Variants in CFHR3 observed in about 807,000 individuals in gnomAD.
CFHR3 encodes the protein complement factor H-related protein 3.
In CFHR3, 22 loss-of-function variants were observed where a neutral mutation model predicts 36.0. The ratio of observed to expected loss-of-function variants is 0.61; its 90% CI spans 0.44 to 0.87. CFHR3 has a LOEUF of 0.87. Among genes scored for constraint, CFHR3 ranks in the 40% least tolerant of loss-of-function variants. The probability of loss-of-function intolerance (pLI) is 0.00; values close to 1 mark genes in which losing one functional copy is unlikely to be tolerated. For synonymous variants in CFHR3, 97 were observed against 137.4 expected (o/e 0.71, Z 2.06); for missense variants, 276 against 401.3 (o/e 0.69, Z 2.67).
intron 3 of CFHR3, among the ~76,000 whole-genome samples, chr1:196,783,079 G>T (rs1654026593): frequency 7.3e-6 from 1 of 136,572 alleles, no homozygotes; most frequent in Non-Finnish European, 1.6e-5. Context: ...TTTTGTCTTT[G>T]GTTCTGTCTA....
rs1049682040 is a variant in CFHR3 at position 196,786,716 on chromosome 1, C to G, written c.431-1500C>G. Among the ~76,000 whole-genome samples the G allele has an allele frequency of 9.5e-5, 13 of 137,118 alleles. 4 individuals are homozygous for G. The highest frequency in any genetic ancestry group is 3.9e-4 in the African/African-American group (13 of 32,982). The allele number at this position is 137,118 out of a possible 152,430, so 90.0% of individuals were successfully genotyped here. ...TCCAGGTGCCGTGTGTCACCCCTTTCTTTGACTAGGAAAGGGAACTCCCTG... is the reference window on the plus strand; with the variant it reads ...TCCAGGTGCCGTGTGTCACCCCTTTGTTTGACTAGGAAAGGGAACTCCCTG... On this transcript the variant is annotated intron_variant, in intron 3 of 5. Coordinates refer to ENST00000367425, the MANE Select transcript of CFHR3 (RefSeq NM_021023.6).
intron 3 of CFHR3, among the ~76,000 whole-genome samples, chr1:196,785,097 A>G (rs2124853082): frequency 1.5e-5 from 2 of 136,386 alleles, no homozygotes; most frequent in South Asian, 5.1e-4. Flanking sequence ...TTCTGGGTTG[A>G]AAATTCTTCT....
chr1:196,780,283 T>C (rs2124843692), intron 3 of CFHR3, among the ~76,000 whole-genome samples: 1 of 137,414 alleles, frequency 7.3e-6, no homozygotes, highest in East Asian at 2.0e-4. Context: ...CCGAGGTTCG[T>C]CATCTTGCAC....
rs1231168675 is a variant in CFHR3, at chr1:196,785,896, A to G, written c.431-2320A>G. Among the ~76,000 whole-genome samples the G allele has an allele frequency of 1.5e-5, 2 of 135,784 alleles. 1 individual carries two copies. Among genetic ancestry groups the G allele is most frequent in the African/African-American group, 6.2e-5 (2 of 32,184 alleles). 89.1% of individuals were successfully genotyped at this position (135,784 alleles called of 152,430 possible). ...GAGGTGCTCTGCTTTTAGAGTTTCC[A>G]GTTTTTCTGCTCTGTTTTTTCCCCA... On this transcript the variant is annotated intron_variant, in intron 3 of 5. Transcript: ENST00000367425.
In CFHR3 at chr1:196,789,023, C is replaced by T. The variant is rs1185685795; in HGVS notation, c.613+625C>T. 4.6e-5 allele frequency: 58 copies of T among 1,260,382 alleles called. 10 individuals carry two copies. The highest frequency in any genetic ancestry group is 5.5e-5 in the Non-Finnish European group (55 of 993,470). The allele number at this position is 1,260,382 out of a possible 1,614,324, so 78.1% of individuals were successfully genotyped here. ...ACATGTAAAGTTCTCTGAACGTGCT[C>T]GACCTTTACTTAGTATGATAAAGAG... On this transcript the variant is annotated intron_variant, in intron 4 of 5. Coordinates refer to ENST00000367425, the MANE Select transcript of CFHR3 (RefSeq NM_021023.6).
rs141405554 is a variant in CFHR3 at position 196,788,958 on chromosome 1, C to A, written c.613+560C>A. Reference sequence around the variant, plus strand: ...TAAAGGAAAAGGGTAAGTGGGTGGGCTGAATGTTTACAAACCTCATACTTG... The same window carrying A: ...TAAAGGAAAAGGGTAAGTGGGTGGGATGAATGTTTACAAACCTCATACTTG... On this transcript the variant is annotated intron_variant, in intron 4 of 5. Transcript: ENST00000367425. 8.6e-4 allele frequency: 1,158 copies of A among 1,348,544 alleles called. 76 individuals carry two copies. In the East Asian group the frequency reaches 0.026, roughly 30 times the overall value. 83.5% of individuals were successfully genotyped at this position (1,348,544 alleles called of 1,614,324 possible). A position where few individuals can be genotyped will look rare whatever the true frequency, so the allele number is the denominator to read the frequency against.
chr1:196,791,981 G>C (rs1183320716), intron 5 of CFHR3, among the ~76,000 whole-genome samples: 1 of 133,828 alleles, frequency 7.5e-6, no homozygotes, highest in Non-Finnish European at 1.6e-5. Context: ...AAGAAGCAAA[G>C]AGCATTCAAG....
In CFHR3 at chr1:196,792,980, G is replaced by A. The variant is rs1332744743; in HGVS notation, c.797-337G>A. 2.2e-5 allele frequency among the ~76,000 whole-genome samples: 3 copies of A among 134,544 alleles called. 1 individual carries two copies. The highest frequency in any genetic ancestry group is 9.5e-5 in the African/African-American group (3 of 31,560). 88.3% of individuals were successfully genotyped at this position (134,544 alleles called of 152,430 possible). ...GGGGGAAAGGAGGATAAGTAACCAT[G>A]ACTCCAATGGAACATGTTAGCATAA... On this transcript the variant is annotated intron_variant, in intron 5 of 5. Coordinates refer to ENST00000367425, the MANE Select transcript of CFHR3 (RefSeq NM_021023.6).
chr1:196,787,373 A>G (rs1295985875), intron 3 of CFHR3, among the ~76,000 whole-genome samples: 1 of 137,414 alleles, frequency 7.3e-6, no homozygotes, highest in African/African-American at 3.0e-5. Context: ...GTAGGCAAGA[A>G]TAGATCAGAA....
intron 4 of CFHR3, chr1:196,788,677 A>G: frequency 6.9e-7 from 1 of 1,452,980 alleles, no homozygotes; most frequent in South Asian, 1.4e-5. Context: ...TGAGAGTATC[A>G]GCAAAATATG....
chr1:196,786,277 T>A (rs1654196707), intron 3 of CFHR3, among the ~76,000 whole-genome samples: 1 of 135,528 alleles, frequency 7.4e-6, no homozygotes, highest in East Asian at 2.0e-4. Context: ...GAGGAGGCAG[T>A]CTGCCCGTTC....
rs1286425834 is a variant in CFHR3 at position 196,783,568 on chromosome 1, T to C, written c.430+3595T>C. ...TGTCAAGGAATTTATCCATTTCTTC[T>C]AGATTTTCTAGTTTATTTGCGCAGA... On this transcript the variant is annotated intron_variant, in intron 3 of 5. Coordinates refer to ENST00000367425, the MANE Select transcript of CFHR3 (RefSeq NM_021023.6). 3.8e-5 allele frequency among the ~76,000 whole-genome samples: 5 copies of C among 131,924 alleles called. 2 individuals carry two copies. The East Asian group carries it at 6.0e-4, about 16-fold the overall frequency. 86.5% of individuals were successfully genotyped at this position (131,924 alleles called of 152,430 possible). A position where few individuals can be genotyped will look rare whatever the true frequency, so the allele number is the denominator to read the frequency against.
intron 1 of CFHR3, among the ~76,000 whole-genome samples, chr1:196,778,704 T>A (rs449657): frequency 0.26 from 34,809 of 135,190 alleles, 9,362 homozygotes; most frequent in East Asian, 0.51. Context: ...ACATTTCTGA[T>A]TTTTTTTAAT....
rs1169763549 is a variant in CFHR3 at position 196,794,785 on chromosome 1, T to C, written c.*1272T>C. 5 of 266,622 alleles carry C rather than the reference T, an allele frequency of 1.9e-5. 1 individual carries two copies. The highest frequency in any genetic ancestry group is 2.9e-5 in the Non-Finnish European group (4 of 140,178). 16.5% of individuals were successfully genotyped at this position (266,622 alleles called of 1,614,324 possible). On this transcript the variant is annotated 3_prime_UTR_variant, in exon 6 of 6. Transcript: ENST00000367425. ...CAGTTAGCATATGGTTAGTGAGAAGTTGCAGGGTAAGAAGAAAACAATGTT... is the reference window on the plus strand; with the variant it reads ...CAGTTAGCATATGGTTAGTGAGAAGCTGCAGGGTAAGAAGAAAACAATGTT...
At chr1:196,783,691 T>A (rs1203979982) in intron 3 of CFHR3, among the ~76,000 whole-genome samples, 1 of 136,398 alleles carries the variant, frequency 7.3e-6, no homozygotes, top group Admixed American at 7.1e-5. Flanking sequence ...GATTCATCTC[T>A]CTTTTTTTCT....
intron 2 of CFHR3, 56 bp downstream of exon 2, chr1:196,779,412 G>A: frequency 3.2e-6 from 4 of 1,247,412 alleles, no homozygotes; most frequent in Non-Finnish European, 4.6e-6. Flanking sequence ...ATTAAAGAGA[G>A]GAGAGCACAT....
At chr1:196,779,125 AATT>A (rs1290709488) in intron 1 of CFHR3, 34 bp from the exon 2 acceptor site, 1 of 1,393,586 alleles carries the variant, frequency 7.2e-7, no homozygotes, top group African/African-American at 1.8e-5. Context: ...TTACAGTAAA[AATT>A]ATTTATACTT....
chr1:196,789,815 C>A, intron 4 of CFHR3: 1 of 1,183,568 alleles, frequency 8.4e-7, no homozygotes, highest in Non-Finnish European at 1.1e-6. Context: ...TAAATAGACA[C>A]CTACATATGT....
At chr1:196,781,399 C>G (rs1225616650) in intron 3 of CFHR3, among the ~76,000 whole-genome samples, 1 of 135,300 alleles carries the variant, frequency 7.4e-6, no homozygotes, top group African/African-American at 3.1e-5. Context: ...AATGGTTGAA[C>G]TAGTTTACAG....
Sources: allele counts gnomAD v4.1 joint callset (sites outside exome capture counted in the v4.1 genomes callset), GRCh38; gene constraint gnomAD v4.1.1; transcripts MANE v1.5; gene names NCBI Gene and HGNC (gene_info 2026-07-23, HGNC 2026-07-21).